Variants in TRPM3 observed in about 807,000 individuals in gnomAD.
The protein encoded by TRPM3 is transient receptor potential cation channel subfamily M member 3.
Under a neutral mutation model 181.2 loss-of-function variants are expected in TRPM3, and 77 were observed. That is an observed-to-expected ratio of 0.42 (90% CI 0.35 to 0.51). The LOEUF (loss-of-function observed/expected upper bound fraction) is 0.51, where lower values mean the gene tolerates loss of function less well. Among genes scored for constraint, TRPM3 ranks in the 20% least tolerant of loss-of-function variants. TRPM3 has a pLI of 0.01. For missense variants in TRPM3, 1,759 were observed against 2,196.7 expected (o/e 0.80, Z 3.98); for synonymous variants, 745 against 796.4 (o/e 0.94, Z 1.09).
At chr9:71,439,672 A>G (rs1235214842) in intron 1 of TRPM3, among the ~76,000 whole-genome samples, 2 of 152,162 alleles carry the variant, frequency 1.3e-5, no homozygotes, top group Admixed American at 6.5e-5. Flanking sequence ...ATTTTAGCTT[A>G]TTTTAAGACA....
intron 22 of TRPM3, among the ~76,000 whole-genome samples, chr9:70,560,716 A>G (rs975105031): frequency 1.3e-5 from 2 of 152,232 alleles, no homozygotes; most frequent in Non-Finnish European, 1.5e-5. Context: ...ACAGTTCATT[A>G]GACATTGATT....
At chr9:71,318,028 T>C (rs913696626) in intron 1 of TRPM3, among the ~76,000 whole-genome samples, 12 of 152,130 alleles carry the variant, frequency 7.9e-5, no homozygotes, top group South Asian at 2.1e-4. Context: ...GGCAAGAGGA[T>C]TGCTTAAGGC....
At position 70,936,907 on chromosome 9, in the gene TRPM3, GACCATACAAAAA is replaced by G. The variant is rs373845161; in HGVS notation, c.178-72408_178-72397del. Reference sequence around the variant, plus strand: ...TGTCTTCTAGGCTCTTAGCTCCAAAGACCATACAAAAAACCATACAAAAAACACACAGCTTAT... The same window carrying G: ...TGTCTTCTAGGCTCTTAGCTCCAAAGACCATACAAAAAACACACAGCTTAT... On this transcript the variant is annotated intron_variant, in intron 1 of 25. Transcript: ENST00000677713. Among the ~76,000 whole-genome samples the G allele has an allele frequency of 4.1e-3, 620 of 152,186 alleles. 7 individuals are homozygous for G. The highest frequency in any genetic ancestry group is 0.014 in the African/African-American group (593 of 41,528).
intron 1 of TRPM3, among the ~76,000 whole-genome samples, chr9:71,427,053 A>G (rs1024994268): frequency 3.9e-5 from 6 of 152,206 alleles, no homozygotes; most frequent in Admixed American, 3.9e-4. Context: ...TGGTTAGTGC[A>G]TTATTCACAA....
chr9:71,212,569 G>A (rs192632414), intron 1 of TRPM3, among the ~76,000 whole-genome samples: 25 of 152,196 alleles, frequency 1.6e-4, no homozygotes, highest in African/African-American at 5.5e-4. Context: ...AGGCTGTACC[G>A]CTCTCCAAAT....
chr9:70,827,286 T>C (rs1195755283), intron 6 of TRPM3: 1 of 150,638 alleles, frequency 6.6e-6, no homozygotes, highest in Admixed American at 6.7e-5. Context: ...TGCTTTTCTG[T>C]TTAGCCACCA....
intron 1 of TRPM3, among the ~76,000 whole-genome samples, chr9:71,354,354 G>C (rs760912241): frequency 1.3e-5 from 2 of 152,080 alleles, no homozygotes; most frequent in Non-Finnish European, 2.9e-5. Context: ...AGACCCCAAA[G>C]ATACTCCCCG....
At chr9:71,442,041 G>A (rs2094142902) in intron 1 of TRPM3, among the ~76,000 whole-genome samples, 1 of 152,226 alleles carries the variant, frequency 6.6e-6, no homozygotes, top group African/African-American at 2.4e-5. Context: ...TGGTAGGTTT[G>A]TTTGTGGATC....
At position 71,165,168 on chromosome 9, in the gene TRPM3, G is replaced by T. The variant is rs567655450; in HGVS notation, c.183+281485C>A. Among the ~76,000 whole-genome samples the T allele has an allele frequency of 2.0e-5, 3 of 152,216 alleles. No individual in the cohort carries two copies. In the South Asian group the frequency reaches 6.2e-4, roughly 32 times the overall value. Reference sequence around the variant, plus strand: ...CACCTCTTATCAGCTGTGTAAACCCGTGGGCAAGTTACTTAACTGCCTATA... The same window carrying T: ...CACCTCTTATCAGCTGTGTAAACCCTTGGGCAAGTTACTTAACTGCCTATA... On this transcript the variant is annotated intron_variant, in intron 1 of 24. Coordinates refer to the TRPM3 transcript ENST00000357533.
Position 70,629,227 on chromosome 9 carries a change from G to T in TRPM3, c.1633-3710C>A, listed in dbSNP as rs1450464048. ...CTGTGACCAGTGCCGGGGGGGGGGG[G>T]GGCCTGCGTTCTGTTTGACCACAAG... is the stretch of plus-strand genomic sequence containing the variant. On this transcript the variant is annotated intron_variant, in intron 12 of 25. Coordinates refer to ENST00000677713, the MANE Select transcript of TRPM3 (RefSeq NM_001366145.2). Among the ~76,000 whole-genome samples the T allele has an allele frequency of 8.0e-5, 7 of 87,024 alleles. 3 individuals are homozygous for T. The highest frequency in any genetic ancestry group is 2.6e-4 in the African/African-American group (7 of 26,678). The allele number at this position is 87,024 out of a possible 152,430, so 57.1% of individuals were successfully genotyped here. A position where few individuals can be genotyped will look rare whatever the true frequency, so the allele number is the denominator to read the frequency against.
chr9:71,365,553 A>G (rs1045483085), intron 1 of TRPM3, among the ~76,000 whole-genome samples: 2 of 152,190 alleles, frequency 1.3e-5, no homozygotes, highest in Admixed American at 6.5e-5. Flanking sequence ...TAGAGATCTC[A>G]GGTATGTGGC....
intron 1 of TRPM3, among the ~76,000 whole-genome samples, chr9:71,146,750 A>T (rs2075429593): frequency 6.6e-6 from 1 of 152,162 alleles, no homozygotes; most frequent in Admixed American, 6.6e-5. Flanking sequence ...TTGAACAAAC[A>T]TGCTGCTTCT....
intron 1 of TRPM3, among the ~76,000 whole-genome samples, chr9:70,897,939 T>G (rs1589623157): frequency 6.6e-6 from 1 of 152,190 alleles, no homozygotes; most frequent in South Asian, 2.1e-4. Context: ...AACAGATAAT[T>G]AACAGCTCAA....
At chr9:71,419,810 T>C (rs925719278) in intron 1 of TRPM3, among the ~76,000 whole-genome samples, 2 of 151,936 alleles carry the variant, frequency 1.3e-5, no homozygotes, top group African/African-American at 4.8e-5. Context: ...ATTTGGCTTA[T>C]TTCCTTCTCA....
chr9:70,752,783 G>T (rs953894336), intron 8 of TRPM3, among the ~76,000 whole-genome samples: 4 of 152,154 alleles, frequency 2.6e-5, no homozygotes, highest in African/African-American at 7.2e-5. Context: ...GAACCTAGGT[G>T]TGTAGTAGGC....
intron 1 of TRPM3, among the ~76,000 whole-genome samples, chr9:71,304,678 A>G (rs1252590375): frequency 6.6e-6 from 1 of 152,200 alleles, no homozygotes; most frequent in Non-Finnish European, 1.5e-5. Context: ...TAGGTCAGCA[A>G]TTGTATCTGC....
At chr9:71,152,177 G>A (rs963607708) in intron 1 of TRPM3, among the ~76,000 whole-genome samples, 28 of 152,098 alleles carry the variant, frequency 1.8e-4, no homozygotes, top group African/African-American at 6.3e-4. Flanking sequence ...AACTTGCTCT[G>A]TAATAAACTG....
chr9:71,376,708 T>G (rs1415669824), intron 1 of TRPM3, among the ~76,000 whole-genome samples: 1 of 152,094 alleles, frequency 6.6e-6, no homozygotes, highest in Non-Finnish European at 1.5e-5. Flanking sequence ...CAGGTTCTAG[T>G]CATCAAAAAT....
chr9:70,851,982 A>G (rs945748540), intron 3 of TRPM3, among the ~76,000 whole-genome samples: 7 of 151,622 alleles, frequency 4.6e-5, no homozygotes, highest in Non-Finnish European at 1.0e-4. Context: ...CACTGGGTGC[A>G]GTGGCGCGCA....
Sources: allele counts gnomAD v4.1 joint callset (sites outside exome capture counted in the v4.1 genomes callset), GRCh38; gene constraint gnomAD v4.1.1; transcripts MANE v1.5; gene names NCBI Gene and HGNC (gene_info 2026-07-23, HGNC 2026-07-21).